Variants in C8A observed in about 807,000 individuals in gnomAD.
C8A encodes complement component C8 alpha chain.
Under a neutral mutation model 65.3 loss-of-function variants are expected in C8A, and 67 were observed. The observed-to-expected ratio is 1.03, with a 90% CI of 0.84 to 1.26. The LOEUF (loss-of-function observed/expected upper bound fraction) is 1.26. Among genes scored for constraint, C8A ranks in the 50% most tolerant of loss-of-function variants. C8A has a pLI of 0.00. For synonymous variants in C8A, 290 were observed against 259.4 expected (o/e 1.12, Z -1.13); for missense variants, 781 against 723.9 (o/e 1.08, Z -0.90).
intron 8 of C8A, 103 bp downstream of exon 8, chr1:56,906,895 A>C (rs1418888879): frequency 1.4e-6 from 2 of 1,415,532 alleles, no homozygotes; most frequent in African/African-American, 1.4e-5. Flanking sequence ...ATTGCATTTT[A>C]GTCAATGATC....
At chr1:56,914,892 G>T (rs868121563) in intron 10 of C8A, among the ~76,000 whole-genome samples, 1 of 152,094 alleles carries the variant, frequency 6.6e-6, no homozygotes, top group Non-Finnish European at 1.5e-5. Flanking sequence ...TGGTCAGGCT[G>T]GTCTCGAACT....
chr1:56,885,394 A>AT (rs1557705718), intron 6 of C8A, among the ~76,000 whole-genome samples: 1 of 123,816 alleles, frequency 8.1e-6, no homozygotes, highest in African/African-American at 3.0e-5. Context: ...ATATATATTT[A>AT]AATAAATATA....
rs771199636 is a variant in C8A, at chr1:56,906,618, T to A, written c.1097-49T>A. 1.9e-6 allele frequency: 3 copies of A among 1,610,756 alleles called. No homozygotes were observed. The Admixed American group carries it at 5.0e-5, about 27-fold the overall frequency. ...TCTGACATAGTTGTACCATGTCAAGTGTCTTTTAATAACTCAGCATTTTGT... is the reference window on the plus strand; with the variant it reads ...TCTGACATAGTTGTACCATGTCAAGAGTCTTTTAATAACTCAGCATTTTGT... On this transcript the variant is annotated intron_variant, in intron 7 of 10. Transcript: ENST00000361249.
At chr1:56,888,814 A>C (rs975935175) in intron 7 of C8A, among the ~76,000 whole-genome samples, 1 of 152,166 alleles carries the variant, frequency 6.6e-6, no homozygotes, top group Non-Finnish European at 1.5e-5. Flanking sequence ...ATTCTCATTT[A>C]ATTTTCTTGA....
At chr1:56,863,486 G>C (rs1263073868) in intron 1 of C8A, among the ~76,000 whole-genome samples, 1 of 152,126 alleles carries the variant, frequency 6.6e-6, no homozygotes. Flanking sequence ...CATTAGTACT[G>C]TTTCCCTCTG....
At chr1:56,905,345 T>C (rs965037807) in intron 7 of C8A, among the ~76,000 whole-genome samples, 35 of 152,236 alleles carry the variant, frequency 2.3e-4, no homozygotes, top group Non-Finnish European at 4.4e-4. Context: ...CCTAGGATCA[T>C]ACAGGGTGTT....
chr1:56,867,477 G>A, intron 1 of C8A, 132 bp from the exon 2 acceptor site: 5 of 716,800 alleles, frequency 7.0e-6, no homozygotes, highest in Non-Finnish European at 1.3e-5. Flanking sequence ...TCTACATAAA[G>A]TAGGAGTACA....
intron 6 of C8A, among the ~76,000 whole-genome samples, chr1:56,884,644 ACTC>A (rs1044130615): frequency 5.9e-5 from 9 of 152,164 alleles, no homozygotes; most frequent in African/African-American, 2.2e-4. Flanking sequence ...AAGCATGTGG[ACTC>A]CTCTAACTTC....
chr1:56,907,251 A>G (rs544862144), intron 8 of C8A, among the ~76,000 whole-genome samples: 66 of 152,282 alleles, frequency 4.3e-4, no homozygotes, highest in African/African-American at 1.4e-3. Flanking sequence ...TCATGTGTTC[A>G]TTTACTCATC....
At chr1:56,857,769 T>C (rs1267871965) in intron 1 of C8A, among the ~76,000 whole-genome samples, 1 of 151,960 alleles carries the variant, frequency 6.6e-6, no homozygotes, top group African/African-American at 2.4e-5. Flanking sequence ...GTGGTATGGT[T>C]CTGTGGGTTA....
chr1:56,906,958 T>C (rs1400623075), intron 8 of C8A, among the ~76,000 whole-genome samples, 166 bp downstream of exon 8: 1 of 152,178 alleles, frequency 6.6e-6, no homozygotes, highest in African/African-American at 2.4e-5. Flanking sequence ...TGGCTTTATT[T>C]TGAATCTACC....
chr1:56,883,184 G>A lies in C8A; in HGVS notation c.655-297G>A, dbSNP rs546137216. 1.6e-4 allele frequency among the ~76,000 whole-genome samples: 24 copies of A among 151,984 alleles called. No homozygotes were observed. In the South Asian group the frequency reaches 4.8e-3, roughly 30 times the overall value. ...ATAAGCCAGCAAGAAAGAAATCCAC[G>A]CTCAGAGCAATATAGCATTTGATCA... is the stretch of plus-strand genomic sequence containing the variant. On this transcript the variant is annotated intron_variant, in intron 5 of 10. Coordinates refer to ENST00000361249, the MANE Select transcript of C8A (RefSeq NM_000562.3).
At chr1:56,908,139 C>A in intron 9 of C8A, 26 bp downstream of exon 9, 1 of 1,610,660 alleles carries the variant, frequency 6.2e-7, no homozygotes, top group South Asian at 1.1e-5. Flanking sequence ...GTTGAAGAAA[C>A]TCTACGTCCA....
chr1:56,892,075 A>C (rs952682579), intron 7 of C8A, among the ~76,000 whole-genome samples: 1 of 152,054 alleles, frequency 6.6e-6, no homozygotes, highest in African/African-American at 2.4e-5. Flanking sequence ...CATCATGTGA[A>C]TGACCTCCAC....
rs1213142751 is a variant in C8A, at chr1:56,883,527, A to G, written c.701A>G (p.Asn234Ser). 1 of 1,613,968 alleles carries G rather than the reference A, an allele frequency of 6.2e-7. No individual in the cohort carries two copies. Among genetic ancestry groups the G allele is most frequent in the South Asian group, 1.1e-5 (1 of 91,072 alleles). Residue 234 changes from asparagine (N) to serine (S), a missense_variant, in exon 6 of 11, where the codon AAT (asparagine) becomes AGT (serine). Physicochemically the swap from Asn to Ser is conservative, Grantham distance 46 (BLOSUM62 1). Coordinates refer to ENST00000361249, the MANE Select transcript of C8A (RefSeq NM_000562.3). ...GISSEFYDNA[N>S]DLLSKVKKDK... ...TCCTCAGAGTTTTATGATAATGCAAATGACCTTCTTTCCAAAGTTAAAAAA... is the reference window on the plus strand; with the variant it reads ...TCCTCAGAGTTTTATGATAATGCAAGTGACCTTCTTTCCAAAGTTAAAAAA...
chr1:56,893,701 C>G (rs1644366451), intron 7 of C8A, among the ~76,000 whole-genome samples: 1 of 152,144 alleles, frequency 6.6e-6, no homozygotes, highest in Non-Finnish European at 1.5e-5. Context: ...ATTTCCTCAC[C>G]TGCAAGCTGG....
At chr1:56,916,484 A>AG (rs962752575) in intron 10 of C8A, among the ~76,000 whole-genome samples, 1 of 152,192 alleles carries the variant, frequency 6.6e-6, no homozygotes, top group Non-Finnish European at 1.5e-5. Context: ...AAAGAGACAG[A>AG]GAGCCTTGCT....
chr1:56,892,502 C>T (rs929721944), intron 7 of C8A, among the ~76,000 whole-genome samples: 46 of 152,060 alleles, frequency 3.0e-4, no homozygotes, highest in African/African-American at 1.1e-3. Flanking sequence ...CTGGGACTCA[C>T]AGCCTGGGAA....
intron 7 of C8A, 72 bp from the exon 8 acceptor site, chr1:56,906,594 CT>C (rs1252082375): frequency 6.4e-7 from 1 of 1,555,950 alleles, no homozygotes; most frequent in African/African-American, 1.4e-5. Flanking sequence ...TTTTACTACT[CT>C]GACATAGTTG....
Sources: gnomAD v4.1 joint callset for allele counts (sites outside exome capture counted in the v4.1 genomes callset) on GRCh38, gnomAD v4.1.1 for gene constraint, MANE v1.5 for transcripts, NCBI Gene and HGNC (gene_info 2026-07-23, HGNC 2026-07-21) for gene names.